The following DEPTOR variants were observed in gnomAD, a reference collection of about 807,000 sequenced individuals.
DEPTOR encodes the protein DEP domain containing MTOR interacting protein, also known as DEP domain-containing mTOR-interacting protein.
A neutral mutation model predicts 41.6 loss-of-function variants in DEPTOR; 41 were observed. The observed-to-expected ratio is 0.98, with a 90% CI of 0.77 to 1.28. DEPTOR has a LOEUF of 1.28. Among genes scored for constraint, DEPTOR ranks in the 50% most tolerant of loss-of-function variants. DEPTOR has a pLI of 0.00. For missense variants in DEPTOR, 514 were observed against 527.9 expected (o/e 0.97, Z 0.26); for synonymous variants, 195 against 192.3 (o/e 1.01, Z -0.12).
chr8:119,874,306 C>G (rs994666436), intron 1 of DEPTOR: 2 of 327,128 alleles, frequency 6.1e-6, no homozygotes, highest in South Asian at 3.4e-5. Flanking sequence ...GCCAGGCCTC[C>G]CGGCTGACAG....
At chr8:119,912,718 A>G (rs1358637351) in intron 1 of DEPTOR, among the ~76,000 whole-genome samples, 1 of 152,198 alleles carries the variant, frequency 6.6e-6, no homozygotes, top group Non-Finnish European at 1.5e-5. Context: ...TAATGTGTTC[A>G]TCCTTGTTTG....
Position 119,954,634 on chromosome 8 carries a change from T to A in DEPTOR, c.426-10598T>A, listed in dbSNP as rs185685905. ...CAGGGCCTCCTCAGCTCTTTTGAAT[T>A]TTTTTTCCCAGTGTACAAGGAGATC... On this transcript the variant is annotated intron_variant, in intron 3 of 8. Transcript: ENST00000286234. Among the ~76,000 whole-genome samples the A allele has an allele frequency of 2.0e-3, 307 of 152,222 alleles. 2 individuals carry two copies. The highest frequency in any genetic ancestry group is 6.8e-3 in the African/African-American group (281 of 41,546).
intron 3 of DEPTOR, among the ~76,000 whole-genome samples, chr8:119,930,872 G>A (rs1828034124): frequency 6.6e-6 from 1 of 152,100 alleles, no homozygotes; most frequent in African/African-American, 2.4e-5. Flanking sequence ...AATGGCACGT[G>A]CTTTGTAACC....
At chr8:120,032,498 G>A (rs1812907664) in intron 8 of DEPTOR, among the ~76,000 whole-genome samples, 1 of 152,134 alleles carries the variant, frequency 6.6e-6, no homozygotes, top group Admixed American at 6.6e-5. Flanking sequence ...TGGGATTACA[G>A]GCGTGAGTTA....
chr8:120,048,343 C>T (rs1483414549), intron 8 of DEPTOR, among the ~76,000 whole-genome samples: 2 of 152,224 alleles, frequency 1.3e-5, no homozygotes, highest in Non-Finnish European at 2.9e-5. Context: ...AGGCTGATGC[C>T]TGCTAAATTG....
At chr8:120,025,757 C>T (rs1812787158) in intron 8 of DEPTOR, among the ~76,000 whole-genome samples, 1 of 152,016 alleles carries the variant, frequency 6.6e-6, no homozygotes, top group South Asian at 2.1e-4. Context: ...GTGGCTCTAG[C>T]TGGTCCCCTT....
intron 1 of DEPTOR, among the ~76,000 whole-genome samples, chr8:119,928,106 G>A (rs961401466): frequency 6.6e-6 from 1 of 152,140 alleles, no homozygotes; most frequent in Admixed American, 6.6e-5. Context: ...AAAGCAGGGA[G>A]TGAGGCAGAG....
At chr8:119,877,648 T>G (rs978173531) in intron 1 of DEPTOR, among the ~76,000 whole-genome samples, 3 of 152,228 alleles carry the variant, frequency 2.0e-5, no homozygotes, top group Admixed American at 6.5e-5. Context: ...AATAAAAAAT[T>G]TAGCCTCTAG....
At chr8:120,047,818 G>A (rs1474716954) in intron 8 of DEPTOR, among the ~76,000 whole-genome samples, 2 of 152,146 alleles carry the variant, frequency 1.3e-5, no homozygotes, top group Non-Finnish European at 2.9e-5. Context: ...GGCCAAGGTG[G>A]GAGGATCACC....
chr8:120,048,025 T>A (rs1813178933), intron 8 of DEPTOR, among the ~76,000 whole-genome samples: 1 of 138,274 alleles, frequency 7.2e-6, no homozygotes. Flanking sequence ...AGAGGGAGAC[T>A]CCATGTCAAA....
intron 1 of DEPTOR, among the ~76,000 whole-genome samples, chr8:119,925,787 G>A (rs1586617763): frequency 6.6e-6 from 1 of 152,100 alleles, no homozygotes; most frequent in East Asian, 1.9e-4. Context: ...ACCGTGCCTG[G>A]CTAATTTTTG....
At chr8:120,033,813 A>G (rs1357064432) in intron 8 of DEPTOR, among the ~76,000 whole-genome samples, 1 of 152,218 alleles carries the variant, frequency 6.6e-6, no homozygotes, top group African/African-American at 2.4e-5. Context: ...TTAAGCCTTT[A>G]GAGTGACTTC....
chr8:120,022,877 GACCTGT>G (rs149547377), intron 8 of DEPTOR, among the ~76,000 whole-genome samples: 1 of 152,112 alleles, frequency 6.6e-6, no homozygotes, highest in East Asian at 1.9e-4. Context: ...ACACTCAACT[GACCTGT>G]ACCTGGAAGA....
intron 8 of DEPTOR, among the ~76,000 whole-genome samples, chr8:120,047,269 G>A (rs528267567): frequency 7.9e-5 from 12 of 151,850 alleles, no homozygotes; most frequent in African/African-American, 2.7e-4. Context: ...TGATCTGCCC[G>A]CTTCGGCCTC....
At chr8:119,985,930 T>G (rs1378332077) in intron 4 of DEPTOR, among the ~76,000 whole-genome samples, 2 of 145,162 alleles carry the variant, frequency 1.4e-5, no homozygotes, top group African/African-American at 5.0e-5. Flanking sequence ...TCTTTGCACA[T>G]GAGATGGGTC....
At chr8:119,896,068 AT>A (rs5894503) in intron 1 of DEPTOR, among the ~76,000 whole-genome samples, 75,627 of 151,632 alleles carry the variant, frequency 0.5, 20,559 homozygotes, top group East Asian at 0.92. Context: ...TTATTATGCT[AT>A]TTTTTTTGCA....
intron 8 of DEPTOR, among the ~76,000 whole-genome samples, chr8:120,014,003 A>G (rs1407375935): frequency 6.6e-6 from 1 of 151,862 alleles, no homozygotes; most frequent in East Asian, 1.9e-4. Context: ...ATGCCCAGCT[A>G]ATTTTGTGTA....
chr8:119,969,347 TTTG>T (rs1828603907), intron 4 of DEPTOR, among the ~76,000 whole-genome samples: 1 of 150,640 alleles, frequency 6.6e-6, no homozygotes, highest in African/African-American at 2.5e-5. Context: ...ATAAATCTGT[TTTG>T]TTTTTTTTTG....
chr8:119,980,517 CTT>C (rs1828752376), intron 4 of DEPTOR, among the ~76,000 whole-genome samples: 1 of 49,054 alleles, frequency 2.0e-5, no homozygotes, highest in African/African-American at 8.7e-5. Flanking sequence ...TCTTTTCTCT[CTT>C]TGTGTTTTTT....
Sources: gnomAD v4.1 joint callset for allele counts (sites outside exome capture counted in the v4.1 genomes callset) on GRCh38, gnomAD v4.1.1 for gene constraint, MANE v1.5 for transcripts, NCBI Gene and HGNC (gene_info 2026-07-23, HGNC 2026-07-21) for gene names.